Variants in KIN observed in about 807,000 individuals in gnomAD.
The protein encoded by KIN is Kin17 DNA and RNA binding protein.
KIN carries 47 observed loss-of-function variants against 63.0 expected under a neutral mutation model. The ratio of observed to expected loss-of-function variants is 0.75; its 90% confidence interval spans 0.59 to 0.95. KIN has a LOEUF of 0.95. Ranked by LOEUF, KIN falls within the 40% of genes least tolerant of loss-of-function variation. KIN has a pLI of 0.00. For missense variants in KIN, 408 were observed against 460.9 expected (o/e 0.89, Z 1.05); for synonymous variants, 160 against 157.7 (o/e 1.01, Z -0.11).
intron 1 of KIN, among the ~76,000 whole-genome samples, 155 bp downstream of exon 1, chr10:7,787,665 C>T (rs1313700495): frequency 6.6e-6 from 1 of 152,190 alleles, no homozygotes; most frequent in African/African-American, 2.4e-5. Flanking sequence ...GGCTCTCGTG[C>T]GCTGAGTAGT....
At position 7,782,978 on chromosome 10, in the gene KIN, C is replaced by T. The variant is rs182173918; in HGVS notation, c.209+103G>A. On this transcript the variant is annotated intron_variant, in intron 2 of 12. Transcript: ENST00000379562. ...CTGAGCATAGAGAGAATACAGTTAACATATAAGAAATAATAGAACTTCCAA... is the reference window on the plus strand; with the variant it reads ...CTGAGCATAGAGAGAATACAGTTAATATATAAGAAATAATAGAACTTCCAA... 124 of 492,782 alleles carry T rather than the reference C, an allele frequency of 2.5e-4. 1 individual carries two copies. Among genetic ancestry groups the T allele is most frequent in the African/African-American group, 2.1e-3 (107 of 50,368 alleles). The allele number at this position is 492,782 out of a possible 1,614,324, so 30.5% of individuals were successfully genotyped here. A position where few individuals can be genotyped will look rare whatever the true frequency, so the allele number is the denominator to read the frequency against.
In KIN at chr10:7,755,063, TAA is replaced by T. The variant is rs1037073526; in HGVS notation, c.*1015_*1016del. The T allele has an allele frequency of 6.6e-6, 1 of 152,158 alleles. No individual in the cohort carries two copies. The highest frequency in any genetic ancestry group is 1.5e-5 in the Non-Finnish European group (1 of 68,034). 9.4% of individuals were successfully genotyped at this position (152,158 alleles called of 1,614,324 possible). Reference sequence around the variant, plus strand: ...GGGCAACACAGTGAGACCATGTCTCTAAAAGTAAAAAAATTAAAAACAAATAA... The same window carrying T: ...GGGCAACACAGTGAGACCATGTCTCTAAGTAAAAAAATTAAAAACAAATAA... On this transcript the variant is annotated 3_prime_UTR_variant, in exon 13 of 13. Coordinates refer to ENST00000379562, the MANE Select transcript of KIN (RefSeq NM_012311.4).
At position 7,753,040 on chromosome 10, in the gene KIN, AAAAGT is replaced by A. The variant is rs1835267641; in HGVS notation, c.*3035_*3039del. On this transcript the variant is annotated 3_prime_UTR_variant, in exon 13 of 13. Coordinates refer to ENST00000379562, the MANE Select transcript of KIN (RefSeq NM_012311.4). ...GTCAAAACCCACAGAGACTGCTCTA[AAAAGT>A]AAAGTCTATGTTTGAAATAAAGAAA... 6.6e-6 allele frequency: 1 copy of A among 152,180 alleles called. No homozygotes were observed. The allele number at this position is 152,180 out of a possible 1,614,324, so 9.4% of individuals were successfully genotyped here. A position where few individuals can be genotyped will look rare whatever the true frequency, so the allele number is the denominator to read the frequency against.
In KIN at chr10:7,775,011, C is replaced by T. The variant is rs890668132; in HGVS notation, c.608-120G>A. On this transcript the variant is annotated intron_variant, in intron 6 of 12. Coordinates refer to ENST00000379562, the MANE Select transcript of KIN (RefSeq NM_012311.4). Reference sequence around the variant, plus strand: ...CCAGGACATTTTCAATAAACGAGAGCTAAAATGTTCCTATACGGAGACCAC... The same window carrying T: ...CCAGGACATTTTCAATAAACGAGAGTTAAAATGTTCCTATACGGAGACCAC... 8.3e-6 allele frequency: 6 copies of T among 719,434 alleles called. No individual in the cohort carries two copies. In the African/African-American group the frequency reaches 1.1e-4, roughly 13 times the overall value. The allele number at this position is 719,434 out of a possible 1,614,324, so 44.6% of individuals were successfully genotyped here.
In KIN at chr10:7,754,911, A is replaced by T. The variant is rs1835306087; in HGVS notation, c.*1169T>A. On this transcript the variant is annotated 3_prime_UTR_variant, in exon 13 of 13. Transcript: ENST00000379562. ...TTTCCTGTCTTTTGCATTCCCTAAT[A>T]ATACACTGCCCTACTTATTTCAAAC... 1.3e-5 allele frequency: 2 copies of T among 152,086 alleles called. No homozygotes were observed. The highest frequency in any genetic ancestry group is 4.8e-5 in the African/African-American group (2 of 41,392). The allele number at this position is 152,086 out of a possible 1,614,324, so 9.4% of individuals were successfully genotyped here.
At chr10:7,785,390 T>C (rs933991598) in intron 1 of KIN, among the ~76,000 whole-genome samples, 3 of 152,166 alleles carry the variant, frequency 2.0e-5, no homozygotes. Flanking sequence ...AATTTCCAGT[T>C]GACAGAAACT....
At position 7,774,625 on chromosome 10, in the gene KIN, C is replaced by T. The variant is rs554390090; in HGVS notation, c.668+206G>A. Among the ~76,000 whole-genome samples, 42 of 150,242 alleles carry T rather than the reference C, an allele frequency of 2.8e-4. No homozygotes were observed. In the South Asian group the frequency reaches 8.0e-3, roughly 29 times the overall value. Reference sequence around the variant, plus strand: ...GAAGATCACCTTGAGCCCAGGAGTTCGAGGCCAGCCTGGGCAACATAGCAA... The same window carrying T: ...GAAGATCACCTTGAGCCCAGGAGTTTGAGGCCAGCCTGGGCAACATAGCAA... On this transcript the variant is annotated intron_variant, in intron 7 of 12. Coordinates refer to ENST00000379562, the MANE Select transcript of KIN (RefSeq NM_012311.4).
rs571681428 is a variant in KIN at position 7,769,177 on chromosome 10, T to G, written c.798+39A>C. 35 of 1,538,638 alleles carry G rather than the reference T, an allele frequency of 2.3e-5. No individual in the cohort carries two copies. In the African/African-American group the frequency reaches 4.6e-4, roughly 20 times the overall value. On this transcript the variant is annotated intron_variant, in intron 8 of 12. Coordinates refer to ENST00000379562, the MANE Select transcript of KIN (RefSeq NM_012311.4). ...AATGGTGAAATGATTTAATTTTCCT[T>G]GGGTTCTAAGGTGTCCACACGCAAT...
chr10:7,756,609 C>T (rs1415210983), intron 12 of KIN, among the ~76,000 whole-genome samples: 3 of 152,208 alleles, frequency 2.0e-5, no homozygotes, highest in African/African-American at 7.2e-5. Context: ...GAGGCACTAG[C>T]TGGAAGGACC....
intron 2 of KIN, 34 bp downstream of exon 2, chr10:7,783,047 G>C: frequency 9.0e-7 from 1 of 1,117,148 alleles, no homozygotes; most frequent in Non-Finnish European, 1.3e-6. Flanking sequence ...ACTGAATAAA[G>C]CCTATAAGAT....
chr10:7,780,387 ACAGTTTTTT>A, intron 2 of KIN, 80 bp from the exon 3 acceptor site: 1 of 1,262,002 alleles, frequency 7.9e-7, no homozygotes, highest in Non-Finnish European at 1.1e-6. Context: ...AAGCAGTAGT[ACAGTTTTTT>A]GTTTTTGTTT....
intron 7 of KIN, among the ~76,000 whole-genome samples, chr10:7,773,479 A>G (rs1049324549): frequency 6.6e-6 from 1 of 152,364 alleles, no homozygotes; most frequent in South Asian, 2.1e-4. Context: ...CTTCCAGGTC[A>G]TATCATGCCA....
Position 7,776,604 on chromosome 10 carries a change from G to A in KIN, c.559-805C>T, listed in dbSNP as rs528886296. ...AAATTAGCCCGGCATGGTGGCGGGC[G>A]CCTGTAATCCCAGCTACTTGGGAGG... is the stretch of plus-strand genomic sequence containing the variant. On this transcript the variant is annotated intron_variant, in intron 5 of 12. Transcript: ENST00000379562. Among the ~76,000 whole-genome samples the A allele has an allele frequency of 3.2e-4, 48 of 151,324 alleles. No homozygotes were observed. The East Asian group carries it at 6.7e-3, about 21-fold the overall frequency.
At position 7,755,259 on chromosome 10, in the gene KIN, T is replaced by C. The variant is rs1835311441; in HGVS notation, c.*821A>G. ...AACAATCTAAATGTTTATCAGCTGA[T>C]GAATGGACAAACAAAATACGGTACA... is the stretch of plus-strand genomic sequence containing the variant. On this transcript the variant is annotated 3_prime_UTR_variant, in exon 13 of 13. Transcript: ENST00000379562. The C allele has an allele frequency of 6.6e-6, 1 of 152,172 alleles. No homozygotes were observed. Among genetic ancestry groups the C allele is most frequent in the South Asian group, 2.1e-4 (1 of 4,834 alleles). The allele number at this position is 152,172 out of a possible 1,614,324, so 9.4% of individuals were successfully genotyped here. A position where few individuals can be genotyped will look rare whatever the true frequency, so the allele number is the denominator to read the frequency against.
intron 12 of KIN, among the ~76,000 whole-genome samples, chr10:7,759,300 C>T (rs757724590): frequency 2.8e-4 from 42 of 152,096 alleles, no homozygotes; most frequent in Non-Finnish European, 5.3e-4. Flanking sequence ...CACTCACAGA[C>T]CTGTGAGTGA....
intron 7 of KIN, among the ~76,000 whole-genome samples, chr10:7,772,454 A>G (rs1376083057): frequency 6.6e-6 from 1 of 152,222 alleles, no homozygotes; most frequent in Admixed American, 6.5e-5. Flanking sequence ...AGAAGCCCAA[A>G]GGAGAAATGG....
chr10:7,759,783 G>C (rs778907769), intron 12 of KIN, 107 bp downstream of exon 12: 14 of 615,480 alleles, frequency 2.3e-5, no homozygotes, highest in Non-Finnish European at 3.4e-5. Flanking sequence ...AGGATAGAAG[G>C]CTAACAAAAA....
chr10:7,771,098 G>A (rs1366124824), intron 7 of KIN, among the ~76,000 whole-genome samples: 1 of 151,904 alleles, frequency 6.6e-6, no homozygotes, highest in African/African-American at 2.4e-5. Flanking sequence ...CCCAGGGTGT[G>A]ACAGCTATAA....
intron 7 of KIN, among the ~76,000 whole-genome samples, chr10:7,770,221 G>A (rs1329047010): frequency 2.6e-5 from 4 of 152,168 alleles, no homozygotes; most frequent in Non-Finnish European, 4.4e-5. Context: ...GTAAGCCACC[G>A]TGCCCGGCTG....
Sources: gnomAD v4.1 joint callset for allele counts (sites outside exome capture counted in the v4.1 genomes callset) on GRCh38, gnomAD v4.1.1 for gene constraint, MANE v1.5 for transcripts, NCBI Gene and HGNC (gene_info 2026-07-23, HGNC 2026-07-21) for gene names.